The following COX5B variants were observed in gnomAD, a reference collection of about 807,000 sequenced individuals.
COX5B encodes the protein cytochrome c oxidase subunit 5B, also known as cytochrome c oxidase subunit 5B, mitochondrial.
In COX5B, 8 loss-of-function variants were observed where a neutral mutation model predicts 16.2. That is an observed-to-expected ratio of 0.49 (90% CI 0.29 to 0.89). The LOEUF (loss-of-function observed/expected upper bound fraction) is 0.89, where lower values mean the gene tolerates loss of function less well. Ranked by LOEUF, COX5B falls within the 40% of genes least tolerant of loss-of-function variation. The pLI is 0.08. For missense variants in COX5B, 161 were observed against 168.7 expected (o/e 0.95, Z 0.25); for synonymous variants, 65 against 67.6 (o/e 0.96, Z 0.19).
rs1674691634 is a variant in COX5B, at chr2:97,648,319, G to T, written c.*211G>T. ...TGAAAGTGTATAACCAGTGTATAGT[G>T]CTTAGATTAATAATAAGAATAGATC... On this transcript the variant is annotated 3_prime_UTR_variant, in exon 4 of 4. Coordinates refer to ENST00000258424, the MANE Select transcript of COX5B (RefSeq NM_001862.3). 1 of 507,356 alleles carries T rather than the reference G, an allele frequency of 2.0e-6. No individual in the cohort carries two copies. The allele number at this position is 507,356 out of a possible 1,614,324, so 31.4% of individuals were successfully genotyped here.
intron 2 of COX5B, 58 bp downstream of exon 2, chr2:97,647,198 T>C (rs1163299941): frequency 2.5e-6 from 4 of 1,574,230 alleles, no homozygotes; most frequent in Non-Finnish European, 3.5e-6. Context: ...GATGTGTTCA[T>C]AGTGGTCTCC....
chr2:97,647,420 A>C lies in COX5B; in HGVS notation c.254A>C (p.Asn85Thr). The C allele has an allele frequency of 6.2e-7, 1 of 1,614,062 alleles. No homozygotes were observed. Among genetic ancestry groups the C allele is most frequent in the South Asian group, 1.1e-5 (1 of 91,084 alleles). ...EDPNLVPSIS[N>T]KRIVGCICEE... ...CCTAATTTAGTCCCCTCCATCTCCA[A>C]CAAGAGAATAGTAGGCTGCATCTGT... The change falls in exon 3 of 4, where the codon AAC (asparagine) becomes ACC (threonine). Residue 85 changes from asparagine (N) to threonine (T), a missense_variant. Transcript: ENST00000258424.
At position 97,647,136 on chromosome 2, in the gene COX5B, G is replaced by A. The variant is rs756973593; in HGVS notation, c.173G>A (p.Gly58Glu). The A allele has an allele frequency of 8.1e-6, 13 of 1,614,040 alleles. No homozygotes were observed. The highest frequency in any genetic ancestry group is 1.3e-5 in the African/African-American group (1 of 75,042). The change falls in exon 2 of 4, where the codon GGA becomes GAA. Residue 58 changes from glycine (G) to glutamate (E), a missense_variant. By Grantham distance (98) the Gly-to-Glu change is moderately conservative (BLOSUM62 -2). Transcript: ENST00000258424. Reference sequence around the variant, plus strand: ...GAGATCATGCTGGCTGCAAAGAAGGGACTGGTAAGGAGAAACTCCCTTCTG... The same window carrying A: ...GAGATCATGCTGGCTGCAAAGAAGGAACTGGTAAGGAGAAACTCCCTTCTG... ...EREIMLAAKK[G>E]LDPYNVLAPK...
Position 97,647,394 on chromosome 2 carries a change from C to T in COX5B, c.228C>T (p.Asp76=), listed in dbSNP as rs1301793696. 1.9e-6 allele frequency: 3 copies of T among 1,614,156 alleles called. No individual in the cohort carries two copies. The South Asian group carries it at 3.3e-5, about 18-fold the overall frequency. The change falls in exon 3 of 4, where the codon GAC becomes GAT. Residue 76 remains aspartate, a synonymous_variant. Transcript: ENST00000258424. ...APKGASGTRE[D]PNLVPSISNK... ...AGGGAGCTTCAGGCACCAGGGAAGA[C>T]CCTAATTTAGTCCCCTCCATCTCCA...
intron 1 of COX5B, chr2:97,646,460 C>T (rs929906659): frequency 2.2e-6 from 1 of 455,302 alleles, no homozygotes; most frequent in East Asian, 3.8e-5. Context: ...GGGAGGGGTC[C>T]GGCCTCCCTT....
rs1243320447 is a variant in COX5B at position 97,646,077 on chromosome 2, C to G, written c.-10C>G. On this transcript the variant is annotated 5_prime_UTR_variant, in exon 1 of 4. Coordinates refer to ENST00000258424, the MANE Select transcript of COX5B (RefSeq NM_001862.3). ...TGTTCCCGGAAGTTTTGCTGCTAGT[C>G]GCGGACGCAATGGCTTCAAGGTTAC... 6.4e-7 allele frequency: 1 copy of G among 1,550,660 alleles called. No individual in the cohort carries two copies. The highest frequency in any genetic ancestry group is 2.4e-5 in the East Asian group (1 of 41,030).
At position 97,648,139 on chromosome 2, in the gene COX5B, G is replaced by T. The variant is rs755197811; in HGVS notation, c.*31G>T. On this transcript the variant is annotated 3_prime_UTR_variant, in exon 4 of 4. Coordinates refer to ENST00000258424, the MANE Select transcript of COX5B (RefSeq NM_001862.3). ...TGCACTAAATTACTCAAAATGTGCT[G>T]TAAAGTTTCTTCTTTCCAGTAAAGA... is the stretch of plus-strand genomic sequence containing the variant. The T allele has an allele frequency of 6.5e-6, 10 of 1,542,740 alleles. No individual in the cohort carries two copies. The South Asian group carries it at 1.1e-4, about 17-fold the overall frequency.
intron 1 of COX5B, 144 bp from the exon 2 acceptor site, chr2:97,646,923 G>A (rs997137396): frequency 4.2e-6 from 3 of 713,730 alleles, no homozygotes; most frequent in Non-Finnish European, 2.4e-6. Flanking sequence ...AGGGGACCAT[G>A]GATATGAGTA....
At chr2:97,647,526 T>A in intron 3 of COX5B, 83 bp downstream of exon 3, 1 of 1,170,384 alleles carries the variant, frequency 8.5e-7, no homozygotes, top group Non-Finnish European at 1.3e-6. Context: ...CTTCAGTGTG[T>A]GAGTGCATGT....
chr2:97,648,018 C>T lies in COX5B; in HGVS notation c.300C>T (p.Val100=), dbSNP rs138816326. ...TAGGTGAAGAGGACAATACCAGCGT[C>T]GTCTGGTTTTGGCTGCACAAAGGCG... is the stretch of plus-strand genomic sequence containing the variant. The part of the protein sequence containing the change: ...GCICEEDNTS[V]VWFWLHKGEA... The change falls in exon 4 of 4, where the codon GTC becomes GTT. Residue 100 remains valine (V), a synonymous_variant. Transcript: ENST00000258424. The T allele has an allele frequency of 4.2e-5, 67 of 1,613,864 alleles. No individual in the cohort carries two copies. In the African/African-American group the frequency reaches 7.5e-4, roughly 18 times the overall value.
In COX5B at chr2:97,646,208, G is replaced by T; in HGVS notation, c.103+19G>T. On this transcript the variant is annotated intron_variant, in intron 1 of 3. Coordinates refer to ENST00000258424, the MANE Select transcript of COX5B (RefSeq NM_001862.3). ...TCTGGAGGTACTCGGGTCTCCGGGC[G>T]TGCCAGGGACCAGAGTGTTGCCCTC... 6.6e-7 allele frequency: 1 copy of T among 1,508,804 alleles called. No homozygotes were observed. Among genetic ancestry groups the T allele is most frequent in the Non-Finnish European group, 9.0e-7 (1 of 1,116,842 alleles). 93.5% of individuals were successfully genotyped at this position (1,508,804 alleles called of 1,614,324 possible). A position where few individuals can be genotyped will look rare whatever the true frequency, so the allele number is the denominator to read the frequency against.
chr2:97,647,396 C>T lies in COX5B; in HGVS notation c.230C>T (p.Pro77Leu), dbSNP rs764591909. Residue 77 changes from proline to leucine, a missense_variant, in exon 3 of 4, where the codon CCT becomes CTT. Coordinates refer to ENST00000258424, the MANE Select transcript of COX5B (RefSeq NM_001862.3). ...GGAGCTTCAGGCACCAGGGAAGACC[C>T]TAATTTAGTCCCCTCCATCTCCAAC... ...PKGASGTRED[P>L]NLVPSISNKR... 2.5e-6 allele frequency: 4 copies of T among 1,614,148 alleles called. No individual in the cohort carries two copies. The highest frequency in any genetic ancestry group is 3.4e-6 in the Non-Finnish European group (4 of 1,180,004).
intron 3 of COX5B, 82 bp from the exon 4 acceptor site, chr2:97,647,914 A>T: frequency 8.7e-7 from 1 of 1,150,766 alleles, no homozygotes; most frequent in East Asian, 2.5e-5. Context: ...TGTGTATCAG[A>T]GATGTCTGAG....
chr2:97,647,516 C>A, intron 3 of COX5B, 73 bp downstream of exon 3: 1 of 1,299,650 alleles, frequency 7.7e-7, no homozygotes, highest in South Asian at 1.2e-5. Context: ...TGCCTCAAAT[C>A]TTCAGTGTGT....
At position 97,647,331 on chromosome 2, in the gene COX5B, G is replaced by C. The variant is rs747176984; in HGVS notation, c.178-13G>C. The C allele has an allele frequency of 2.5e-6, 4 of 1,601,796 alleles. No homozygotes were observed. The African/African-American group carries it at 5.4e-5, about 22-fold the overall frequency. ...TTTTTTTTGTTTTGTTTTGTTTTTTGTTTTTTCTTCAGGACCCATACAATG... is the reference window on the plus strand; with the variant it reads ...TTTTTTTTGTTTTGTTTTGTTTTTTCTTTTTTCTTCAGGACCCATACAATG... On this transcript the variant is annotated splice_polypyrimidine_tract_variant and intron_variant, in intron 2 of 3. Transcript: ENST00000258424.
At position 97,648,135 on chromosome 2, in the gene COX5B, T is replaced by G. The variant is rs1429625285; in HGVS notation, c.*27T>G. 8 of 1,551,904 alleles carry G rather than the reference T, an allele frequency of 5.2e-6. No individual in the cohort carries two copies. Among genetic ancestry groups the G allele is most frequent in the Non-Finnish European group, 7.0e-6 (8 of 1,147,268 alleles). On this transcript the variant is annotated 3_prime_UTR_variant, in exon 4 of 4. Coordinates refer to ENST00000258424, the MANE Select transcript of COX5B (RefSeq NM_001862.3). ...CACCTGCACTAAATTACTCAAAATG[T>G]GCTGTAAAGTTTCTTCTTTCCAGTA... is the stretch of plus-strand genomic sequence containing the variant.
intron 3 of COX5B, 144 bp from the exon 4 acceptor site, chr2:97,647,852 A>C: frequency 1.4e-6 from 1 of 724,054 alleles, no homozygotes; most frequent in South Asian, 1.7e-5. Context: ...TCATCTGAAG[A>C]ATGGGAGGAG....
intron 1 of COX5B, 47 bp downstream of exon 1, chr2:97,646,236 A>T (rs536133795): frequency 7.4e-7 from 1 of 1,354,780 alleles, no homozygotes; most frequent in Non-Finnish European, 1.0e-6. Flanking sequence ...TTGCCCTCCC[A>T]GGGTGGTCCC....
At chr2:97,647,667 C>A (rs1022837028) in intron 3 of COX5B, among the ~76,000 whole-genome samples, 1 of 152,160 alleles carries the variant, frequency 6.6e-6, no homozygotes, top group South Asian at 2.1e-4. Context: ...AGTACCCACC[C>A]AGCAAATATT....
Sources: allele counts gnomAD v4.1 joint callset (sites outside exome capture counted in the v4.1 genomes callset), GRCh38; gene constraint gnomAD v4.1.1; transcripts MANE v1.5; gene names NCBI Gene and HGNC (gene_info 2026-07-23, HGNC 2026-07-21).